AFG1L: variants seen among roughly 807,000 people sequenced by gnomAD.
The protein encoded by AFG1L is AFG1-like ATPase.
Under a neutral mutation model 62.2 loss-of-function variants are expected in AFG1L, and 53 were observed. The ratio of observed to expected loss-of-function variants is 0.85; its 90% CI spans 0.68 to 1.07. The LOEUF (loss-of-function observed/expected upper bound fraction) is 1.07, where lower values mean the gene tolerates loss of function less well. AFG1L is among the 50% of genes least tolerant of loss of function. AFG1L has a pLI of 0.00. For synonymous variants in AFG1L, 228 were observed against 210.3 expected (o/e 1.08, Z -0.73); for missense variants, 555 against 590.5 (o/e 0.94, Z 0.62).
intron 10 of AFG1L, among the ~76,000 whole-genome samples, chr6:108,500,171 C>CGTGTGTGTGTGTGT (rs61654685): frequency 8.1e-4 from 109 of 135,132 alleles, no homozygotes; most frequent in South Asian, 1.5e-3. Context: ...ATGGTGCGTG[C>CGTGTGTGTGTGTGT]GTGTGTGTGT....
intron 10 of AFG1L, among the ~76,000 whole-genome samples, chr6:108,497,766 A>G (rs1774028348): frequency 6.6e-6 from 1 of 152,192 alleles, no homozygotes; most frequent in Admixed American, 6.5e-5. Context: ...TAACTATAAA[A>G]GCTGGATCAT....
chr6:108,356,186 A>G (rs1342896182), intron 4 of AFG1L, among the ~76,000 whole-genome samples: 1 of 152,200 alleles, frequency 6.6e-6, no homozygotes, highest in Non-Finnish European at 1.5e-5. Context: ...TACCAGCTGC[A>G]CTGTAACCTC....
chr6:108,390,818 C>G (rs1278084243), intron 6 of AFG1L, among the ~76,000 whole-genome samples: 7 of 152,210 alleles, frequency 4.6e-5, no homozygotes, highest in Admixed American at 4.6e-4. Context: ...GGTCAGGGAC[C>G]TACTTGAGGA....
chr6:108,512,553 C>T (rs1368788908), intron 11 of AFG1L, among the ~76,000 whole-genome samples: 1 of 151,834 alleles, frequency 6.6e-6, no homozygotes. Context: ...GACTAGGCTT[C>T]AAGAAGAAGA....
chr6:108,331,259 C>T (rs1248285461), intron 2 of AFG1L, among the ~76,000 whole-genome samples: 2 of 152,300 alleles, frequency 1.3e-5, no homozygotes, highest in East Asian at 3.9e-4. Context: ...GCACTCCAGC[C>T]TGGGCAACAG....
intron 1 of AFG1L, among the ~76,000 whole-genome samples, chr6:108,306,142 T>C (rs1777189604): frequency 6.6e-6 from 1 of 152,176 alleles, no homozygotes; most frequent in Non-Finnish European, 1.5e-5. Flanking sequence ...GACTTCAGGT[T>C]ATGCACCCAT....
chr6:108,455,233 ATTGAG>A (rs1772208005), intron 8 of AFG1L, among the ~76,000 whole-genome samples: 1 of 152,200 alleles, frequency 6.6e-6, no homozygotes, highest in Non-Finnish European at 1.5e-5. Context: ...GTGTAGGAGA[ATTGAG>A]GGGAGGTATA....
At chr6:108,453,973 G>A (rs1228422275) in intron 8 of AFG1L, among the ~76,000 whole-genome samples, 16 of 152,152 alleles carry the variant, frequency 1.1e-4, no homozygotes, top group Non-Finnish European at 5.9e-5. Flanking sequence ...GCTTAAGTCC[G>A]GCCCCCTTCC....
chr6:108,302,567 C>T (rs1335286552), intron 1 of AFG1L, among the ~76,000 whole-genome samples: 2 of 151,778 alleles, frequency 1.3e-5, no homozygotes, highest in Admixed American at 6.6e-5. Flanking sequence ...ACTTGGGGCT[C>T]CTGGGCCTGT....
At chr6:108,471,568 C>G (rs1362516821) in intron 8 of AFG1L, among the ~76,000 whole-genome samples, 1 of 147,074 alleles carries the variant, frequency 6.8e-6, no homozygotes. Flanking sequence ...TCAAGTGATT[C>G]TCCTGCCTCA....
chr6:108,353,601 A>G (rs929630503), intron 3 of AFG1L, among the ~76,000 whole-genome samples: 1 of 151,646 alleles, frequency 6.6e-6, no homozygotes, highest in African/African-American at 2.4e-5. Context: ...TAGTCGTTCT[A>G]ATGTATGTGA....
At chr6:108,391,614 G>A (rs1346339021) in intron 6 of AFG1L, among the ~76,000 whole-genome samples, 1 of 152,128 alleles carries the variant, frequency 6.6e-6, no homozygotes, top group Non-Finnish European at 1.5e-5. Flanking sequence ...CTTTTGCTGG[G>A]CAGAAGCTCT....
chr6:108,410,928 G>T (rs551676098), intron 7 of AFG1L, among the ~76,000 whole-genome samples: 13 of 152,274 alleles, frequency 8.5e-5, no homozygotes, highest in African/African-American at 2.9e-4. Context: ...ACTGGGGCTT[G>T]TCAGACAGTG....
intron 10 of AFG1L, 38 bp downstream of exon 10, chr6:108,477,330 C>A: frequency 8.0e-7 from 1 of 1,249,536 alleles, no homozygotes; most frequent in South Asian, 1.4e-5. Flanking sequence ...CTGGCCTTTT[C>A]ACATGTTAAA....
chr6:108,429,858 T>G (rs1412082500), intron 7 of AFG1L, among the ~76,000 whole-genome samples: 1 of 152,168 alleles, frequency 6.6e-6, no homozygotes. Context: ...CTGTAGTTTT[T>G]TTTGAGCAGT....
chr6:108,422,471 C>T (rs1486191567), intron 7 of AFG1L, among the ~76,000 whole-genome samples: 1 of 32,992 alleles, frequency 3.0e-5, no homozygotes, highest in Admixed American at 2.3e-4. Flanking sequence ...TAAAATTAGT[C>T]CTCAGCAAAA....
At position 108,497,135 on chromosome 6, in the gene AFG1L, T is replaced by C. The variant is rs530567511; in HGVS notation, c.1063-13077T>C. Among the ~76,000 whole-genome samples the C allele has an allele frequency of 5.9e-5, 9 of 152,338 alleles. No individual in the cohort carries two copies. The South Asian group carries it at 1.7e-3, about 28-fold the overall frequency. ...AATGATGGGTGTAAGTTTATAACTT[T>C]TTTTTAGGGCTCTTACTACAACCCA... On this transcript the variant is annotated intron_variant, in intron 10 of 12. Transcript: ENST00000368977.
chr6:108,313,572 C>G (rs1777488080), intron 1 of AFG1L, among the ~76,000 whole-genome samples: 1 of 152,190 alleles, frequency 6.6e-6, no homozygotes, highest in African/African-American at 2.4e-5. Flanking sequence ...GGGTCTCACT[C>G]TGTTGCCCAG....
In AFG1L at chr6:108,523,126, A is replaced by T. The variant is rs1157645885; in HGVS notation, c.*701A>T. 1 of 141,114 alleles carries T rather than the reference A, an allele frequency of 7.1e-6. No individual in the cohort carries two copies. The highest frequency in any genetic ancestry group is 1.5e-5 in the Non-Finnish European group (1 of 66,150). 8.7% of individuals were successfully genotyped at this position (141,114 alleles called of 1,614,324 possible). ...AGCCAACAGGCAGATCTGCAGGCAG[A>T]GCTACAAACTCTGCAGCCAGGAATG... On this transcript the variant is annotated 3_prime_UTR_variant, in exon 13 of 13. Transcript: ENST00000368977.
Sources: allele counts gnomAD v4.1 joint callset (sites outside exome capture counted in the v4.1 genomes callset), GRCh38; gene constraint gnomAD v4.1.1; transcripts MANE v1.5; gene names NCBI Gene and HGNC (gene_info 2026-07-23, HGNC 2026-07-21).